Variants in FRMD4B observed in about 807,000 individuals in gnomAD.
FRMD4B encodes the protein FERM domain containing 4B, also known as FERM domain-containing protein 4B.
In FRMD4B, 74 loss-of-function variants were observed where a neutral mutation model predicts 141.5. The observed-to-expected ratio is 0.52, with a 90% CI of 0.43 to 0.63. The LOEUF is 0.63. FRMD4B is among the 30% of genes least tolerant of loss of function. The pLI, the probability that FRMD4B is intolerant of heterozygous loss-of-function variation, is 0.00. For synonymous variants in FRMD4B, 506 were observed against 467.9 expected (o/e 1.08, Z -1.05); for missense variants, 1,366 against 1,253.4 (o/e 1.09, Z -1.36).
At chr3:69,184,422 GTTATT>G (rs1287394002) in intron 19 of FRMD4B, among the ~76,000 whole-genome samples, 1 of 152,156 alleles carries the variant, frequency 6.6e-6, no homozygotes, top group Non-Finnish European at 1.5e-5. Context: ...TGCCTACAGT[GTTATT>G]TTAATGACTG....
intron 4 of FRMD4B, chr3:69,293,102 C>A (rs1030212084): frequency 4.6e-6 from 2 of 430,424 alleles, no homozygotes; most frequent in Non-Finnish European, 9.2e-6. Flanking sequence ...TTAGTGATGA[C>A]AGAACATTAC....
chr3:69,311,392 G>T (rs1206026633), intron 2 of FRMD4B, 35 bp from the exon 3 acceptor site: 1 of 1,074,610 alleles, frequency 9.3e-7, no homozygotes, highest in Non-Finnish European at 1.4e-6. Flanking sequence ...AAGCAATTTG[G>T]TTGCCTCTCT....
At chr3:69,285,547 A>C (rs1042022780) in intron 5 of FRMD4B, among the ~76,000 whole-genome samples, 1 of 152,150 alleles carries the variant, frequency 6.6e-6, no homozygotes, top group Non-Finnish European at 1.5e-5. Context: ...CTCATAATAA[A>C]AATCCTCAAA....
intron 1 of FRMD4B, among the ~76,000 whole-genome samples, chr3:69,377,700 G>C (rs756600945): frequency 6.6e-6 from 1 of 152,112 alleles, no homozygotes; most frequent in African/African-American, 2.4e-5. Flanking sequence ...TACCCCTCTC[G>C]TAACAACCTG....
chr3:69,363,859 G>C (rs1703553473), intron 1 of FRMD4B, among the ~76,000 whole-genome samples: 2 of 152,198 alleles, frequency 1.3e-5, no homozygotes, highest in African/African-American at 4.8e-5. Context: ...GGTGTACTGA[G>C]CTATTGGTCT....
At chr3:69,202,958 T>G (rs1559713205) in intron 11 of FRMD4B, among the ~76,000 whole-genome samples, 1 of 151,866 alleles carries the variant, frequency 6.6e-6, no homozygotes, top group Non-Finnish European at 1.5e-5. Context: ...AACCTTATCT[T>G]AAAAAAACAA....
chr3:69,284,618 T>C (rs536043721), intron 5 of FRMD4B, among the ~76,000 whole-genome samples: 2 of 152,088 alleles, frequency 1.3e-5, no homozygotes, highest in Non-Finnish European at 2.9e-5. Context: ...ACAAAAAATA[T>C]ATAGCATTCA....
chr3:69,235,503 A>G (rs2093339773), intron 7 of FRMD4B, among the ~76,000 whole-genome samples: 4 of 151,732 alleles, frequency 2.6e-5, no homozygotes. Context: ...TACTAAAAAT[A>G]CAAAAATCAG....
chr3:69,405,093 C>T (rs1367521929), intron 2 of FRMD4B, among the ~76,000 whole-genome samples: 2 of 152,168 alleles, frequency 1.3e-5, no homozygotes, highest in African/African-American at 2.4e-5. Context: ...TTTATTGGCT[C>T]ATATGACAAA....
At chr3:69,370,154 C>T (rs1318134715) in intron 1 of FRMD4B, among the ~76,000 whole-genome samples, 1 of 151,204 alleles carries the variant, frequency 6.6e-6, no homozygotes, top group Non-Finnish European at 1.5e-5. Flanking sequence ...CAGGAAAATC[C>T]AATCAGAAGG....
intron 11 of FRMD4B, among the ~76,000 whole-genome samples, chr3:69,211,022 C>G (rs1453933370): frequency 5.9e-4 from 2 of 3,364 alleles, no homozygotes; most frequent in Non-Finnish European, 3.1e-3. Context: ...AATGCCATCT[C>G]GAAAAAAAAA....
chr3:69,496,972 T>C (rs893069192), intron 1 of FRMD4B, among the ~76,000 whole-genome samples: 1 of 152,054 alleles, frequency 6.6e-6, no homozygotes, highest in African/African-American at 2.4e-5. Context: ...GCTATGTGAC[T>C]GGCATTGCCT....
chr3:69,269,631 G>A (rs1168799490), intron 5 of FRMD4B, among the ~76,000 whole-genome samples: 1 of 152,210 alleles, frequency 6.6e-6, no homozygotes, highest in African/African-American at 2.4e-5. Context: ...TCAACCAAGA[G>A]TAAACTGTAT....
At chr3:69,196,543 C>CAAAAG in intron 13 of FRMD4B, 147 bp from the exon 14 acceptor site, 1 of 631,954 alleles carries the variant, frequency 1.6e-6, no homozygotes, top group South Asian at 1.9e-5. Context: ...GACCAAAAAA[C>CAAAAG]AAAACAAAAC....
intron 1 of FRMD4B, among the ~76,000 whole-genome samples, chr3:69,516,500 A>C (rs1001577704): frequency 1.4e-4 from 21 of 152,224 alleles, no homozygotes; most frequent in Admixed American, 5.2e-4. Flanking sequence ...GCTCCCAGAA[A>C]GTAGAAAACA....
intron 1 of FRMD4B, chr3:69,334,604 A>C (rs1451838067): frequency 6.6e-6 from 1 of 152,084 alleles, no homozygotes; most frequent in Non-Finnish European, 1.5e-5. Flanking sequence ...TCATCTATAG[A>C]CCCAGTTAAC....
At chr3:69,465,725 C>G (rs1238953574) in intron 1 of FRMD4B, among the ~76,000 whole-genome samples, 3 of 152,134 alleles carry the variant, frequency 2.0e-5, no homozygotes, top group Non-Finnish European at 4.4e-5. Flanking sequence ...ATGAACTCAT[C>G]CTTTTTTATG....
rs575116040 is a variant in FRMD4B, at chr3:69,377,940, A to G, written c.162+7888T>C. On this transcript the variant is annotated intron_variant, in intron 1 of 22. Coordinates refer to ENST00000398540, the MANE Select transcript of FRMD4B (RefSeq NM_015123.3). ...ATTCTCCTGCCTCAGCCTCCCGAGT[A>G]GCTGGGACTACAGGTGTGTGCCACC... Among the ~76,000 whole-genome samples, 103 of 150,538 alleles carry G rather than the reference A, an allele frequency of 6.8e-4. 1 individual carries two copies. The highest frequency in any genetic ancestry group is 1.0e-3 in the Non-Finnish European group (71 of 67,744).
rs1294514410 is a variant in FRMD4B, at chr3:69,265,294, A to G, written c.502-15195T>C. 1.6e-4 allele frequency among the ~76,000 whole-genome samples: 19 copies of G among 118,704 alleles called. 1 individual carries two copies. In the South Asian group the frequency reaches 2.6e-3, roughly 16 times the overall value. 77.9% of individuals were successfully genotyped at this position (118,704 alleles called of 152,430 possible). A position where few individuals can be genotyped will look rare whatever the true frequency, so the allele number is the denominator to read the frequency against. ...AATATATATATATATATATATATAT[A>G]TATATATATATATATATATATGCAG... On this transcript the variant is annotated intron_variant, in intron 5 of 22. Transcript: ENST00000398540.
Sources: gnomAD v4.1 joint callset for allele counts (sites outside exome capture counted in the v4.1 genomes callset) on GRCh38, gnomAD v4.1.1 for gene constraint, MANE v1.5 for transcripts, NCBI Gene and HGNC (gene_info 2026-07-23, HGNC 2026-07-21) for gene names.